ANKRD28: variants seen among roughly 807,000 people sequenced by gnomAD.
ANKRD28 encodes the protein serine/threonine-protein phosphatase 6 regulatory ankyrin repeat subunit A.
A neutral mutation model predicts 126.5 loss-of-function variants in ANKRD28; 44 were observed. That is an observed-to-expected ratio of 0.35 (90% confidence interval 0.27 to 0.45). The LOEUF (loss-of-function observed/expected upper bound fraction) is 0.45. Among genes scored for constraint, ANKRD28 ranks in the 20% least tolerant of loss-of-function variants. ANKRD28 has a pLI of 1.00. For missense variants in ANKRD28, 1,110 were observed against 1,316.6 expected, an observed-to-expected ratio of 0.84 and a Z score of 2.43; for synonymous variants, 442 against 468.5, an observed-to-expected ratio of 0.94 and a Z score of 0.73.
intron 14 of ANKRD28, among the ~76,000 whole-genome samples, chr3:15,703,867 A>C (rs1468425138): frequency 6.6e-6 from 1 of 152,232 alleles, no homozygotes; most frequent in Non-Finnish European, 1.5e-5. Context: ...GCTTTATAAC[A>C]TATACCAGGA....
intron 4 of ANKRD28, among the ~76,000 whole-genome samples, chr3:15,738,350 T>C (rs115415633): frequency 3.3e-5 from 5 of 150,262 alleles, no homozygotes; most frequent in Non-Finnish European, 7.4e-5. Context: ...GGGGAGGGAG[T>C]GTACGAATAG....
At chr3:15,800,864 T>A (rs2060449080), upstream of ANKRD28, among the ~76,000 whole-genome samples, 2 of 152,250 alleles carry the variant, frequency 1.3e-5, no homozygotes, top group African/African-American at 4.8e-5. Flanking sequence ...TGTCAGTTTT[T>A]AAATTATTTA....
chr3:15,857,621 G>A (rs376240092), intron 1 of ANKRD28, among the ~76,000 whole-genome samples: 1 of 152,320 alleles, frequency 6.6e-6, no homozygotes, highest in East Asian at 1.9e-4. Context: ...TACCACTGAA[G>A]ATTAATGGAT....
At chr3:15,850,554 C>A (rs998004819) in intron 1 of ANKRD28, among the ~76,000 whole-genome samples, 1 of 152,018 alleles carries the variant, frequency 6.6e-6, no homozygotes, top group Non-Finnish European at 1.5e-5. Context: ...ATGACTCCAA[C>A]CTTTGCCTCC....
chr3:15,727,821 G>A (rs1369395760), intron 6 of ANKRD28, among the ~76,000 whole-genome samples: 2 of 152,128 alleles, frequency 1.3e-5, no homozygotes, highest in Admixed American at 1.3e-4. Flanking sequence ...AACAGATGAG[G>A]GGTTGCTTCT....
intron 11 of ANKRD28, among the ~76,000 whole-genome samples, chr3:15,711,723 G>A (rs1044502712): frequency 2.3e-4 from 35 of 151,650 alleles, no homozygotes; most frequent in Admixed American, 1.8e-3. Flanking sequence ...GTCTCGCTCT[G>A]TCTCCTAGGC....
chr3:15,826,695 T>C (rs1036256772), intron 1 of ANKRD28, among the ~76,000 whole-genome samples: 3 of 152,184 alleles, frequency 2.0e-5, no homozygotes, highest in East Asian at 1.9e-4. Flanking sequence ...ACATTTCTAT[T>C]TGATTAAAAC....
intron 18 of ANKRD28, 127 bp downstream of exon 18, chr3:15,689,892 A>T: frequency 1.3e-6 from 1 of 799,058 alleles, no homozygotes. Context: ...CAAATAATCC[A>T]TATATGATTT....
intron 2 of ANKRD28, among the ~76,000 whole-genome samples, chr3:15,794,202 C>T (rs576029109): frequency 6.6e-6 from 1 of 151,952 alleles, no homozygotes; most frequent in South Asian, 2.1e-4. Context: ...TGTTCATTAC[C>T]CAATGTTAAA....
At chr3:15,690,653 C>A (rs150997332) in intron 17 of ANKRD28, among the ~76,000 whole-genome samples, 1 of 152,194 alleles carries the variant, frequency 6.6e-6, no homozygotes, top group Non-Finnish European at 1.5e-5. Context: ...CAGCCTTGAC[C>A]TTCTGGGCTT....
At chr3:15,678,906 A>G (rs2067234391) in intron 23 of ANKRD28, among the ~76,000 whole-genome samples, 1 of 152,224 alleles carries the variant, frequency 6.6e-6, no homozygotes, top group Non-Finnish European at 1.5e-5. Context: ...AACTTTTAAT[A>G]ATGGGTTTTC....
intron 8 of ANKRD28, among the ~76,000 whole-genome samples, chr3:15,719,875 TTTA>T (rs1226574846): frequency 1.3e-5 from 2 of 151,958 alleles, no homozygotes; most frequent in Admixed American, 6.6e-5. Context: ...CATTCATTCC[TTTA>T]TTTATTTTTT....
At chr3:15,673,751 A>G (rs1007983862) in intron 27 of ANKRD28, among the ~76,000 whole-genome samples, 3 of 152,218 alleles carry the variant, frequency 2.0e-5, no homozygotes, top group Non-Finnish European at 4.4e-5. Flanking sequence ...CAGAGTAAAC[A>G]GCCAGAATGA....
At chr3:15,783,031 G>GC (rs1039111578) in intron 2 of ANKRD28, among the ~76,000 whole-genome samples, 1 of 150,852 alleles carries the variant, frequency 6.6e-6, no homozygotes, top group African/African-American at 2.4e-5. Context: ...CAATGGGACA[G>GC]TTTTTTTTTA....
At chr3:15,735,566 A>G in intron 5 of ANKRD28, 69 bp from the exon 6 acceptor site, 1 of 1,204,412 alleles carries the variant, frequency 8.3e-7, no homozygotes, top group South Asian at 1.4e-5. Flanking sequence ...TACATTTCTG[A>G]CAGTTACTTA....
intron 1 of ANKRD28, among the ~76,000 whole-genome samples, chr3:15,831,372 C>T (rs922183402): frequency 5.3e-5 from 8 of 152,150 alleles, no homozygotes; most frequent in Non-Finnish European, 8.8e-5. Context: ...CACATAACTA[C>T]CAGCCCCTTC....
At chr3:15,824,663 C>A in intron 1 of ANKRD28, among the ~76,000 whole-genome samples, 1 of 152,154 alleles carries the variant, frequency 6.6e-6, no homozygotes, top group East Asian at 1.9e-4. Context: ...ACTAAGAAGG[C>A]CCAGGCCTAA....
At chr3:15,837,181 T>C (rs1275488396) in intron 1 of ANKRD28, among the ~76,000 whole-genome samples, 1 of 147,422 alleles carries the variant, frequency 6.8e-6, no homozygotes, top group Non-Finnish European at 1.5e-5. Flanking sequence ...ATGACAGAAA[T>C]GAAGGGGCAA....
At chr3:15,761,323 A>T (rs1303687560) in intron 3 of ANKRD28, among the ~76,000 whole-genome samples, 1 of 152,280 alleles carries the variant, frequency 6.6e-6, no homozygotes, top group African/African-American at 2.4e-5. Context: ...CTAACTATAA[A>T]CAAATTAGCC....
Sources: allele counts gnomAD v4.1 joint callset (sites outside exome capture counted in the v4.1 genomes callset), GRCh38; gene constraint gnomAD v4.1.1; transcripts MANE v1.5; gene names NCBI Gene and HGNC (gene_info 2026-07-23, HGNC 2026-07-21).